Variants in TCF12 observed in about 807,000 individuals in gnomAD.
TCF12 encodes DNA-binding protein HTF4.
Under a neutral mutation model 86.0 loss-of-function variants are expected in TCF12, and 45 were observed. The ratio of observed to expected loss-of-function variants is 0.52; its 90% CI spans 0.41 to 0.67. The LOEUF (loss-of-function observed/expected upper bound fraction) is 0.67. Ranked by LOEUF, TCF12 falls within the 30% of genes least tolerant of loss-of-function variation. TCF12 has a pLI of 0.00. For synonymous variants in TCF12, 330 were observed against 299.6 expected (o/e 1.10, Z -1.05); for missense variants, 881 against 859.9 (o/e 1.02, Z -0.31).
At chr15:57,063,510 G>C (rs1479709742) in intron 3 of TCF12, among the ~76,000 whole-genome samples, 1 of 152,146 alleles carries the variant, frequency 6.6e-6, no homozygotes, top group African/African-American at 2.4e-5. Context: ...AGTCTGCAAA[G>C]AAATATTTTG....
intron 4 of TCF12, among the ~76,000 whole-genome samples, chr15:57,067,607 G>A (rs2069009177): frequency 6.6e-6 from 1 of 151,006 alleles, no homozygotes; most frequent in African/African-American, 2.4e-5. Flanking sequence ...GCATTCTTAG[G>A]CAATGTGGAT....
intron 7 of TCF12, among the ~76,000 whole-genome samples, chr15:57,195,492 A>G (rs1018253562): frequency 5.9e-5 from 9 of 152,190 alleles, no homozygotes; most frequent in Admixed American, 3.3e-4. Flanking sequence ...AGTTGTGAGT[A>G]GTTGGGGTTT....
intron 12 of TCF12, among the ~76,000 whole-genome samples, chr15:57,243,215 TAA>T (rs1379773057): frequency 3.3e-5 from 5 of 152,226 alleles, no homozygotes; most frequent in Non-Finnish European, 7.3e-5. Context: ...ACAGAAACTT[TAA>T]GTTATTTTCA....
intron 3 of TCF12, among the ~76,000 whole-genome samples, chr15:57,014,662 T>G (rs1267578728): frequency 3.3e-5 from 5 of 152,160 alleles, no homozygotes; most frequent in Admixed American, 6.5e-5. Context: ...AGGTACACCC[T>G]CCAGGTGGCA....
At chr15:56,949,581 C>T (rs1229790275) in intron 3 of TCF12, among the ~76,000 whole-genome samples, 6 of 152,110 alleles carry the variant, frequency 3.9e-5, no homozygotes, top group African/African-American at 1.2e-4. Context: ...GTAAGAAGAC[C>T]GGCTTTTGAA....
At chr15:57,126,413 C>G (rs1440855404) in intron 5 of TCF12, among the ~76,000 whole-genome samples, 2 of 152,100 alleles carry the variant, frequency 1.3e-5, no homozygotes, top group African/African-American at 4.8e-5. Flanking sequence ...AAAAAGGTAA[C>G]TGAATTTTTC....
chr15:57,005,706 T>C (rs1298976465), intron 3 of TCF12, among the ~76,000 whole-genome samples: 11 of 152,082 alleles, frequency 7.2e-5, no homozygotes, highest in African/African-American at 2.7e-4. Context: ...GTAGCTAGGA[T>C]TACAGGTGCA....
intron 4 of TCF12, among the ~76,000 whole-genome samples, chr15:57,070,152 T>G (rs1183374490): frequency 6.6e-6 from 1 of 152,194 alleles, no homozygotes; most frequent in East Asian, 1.9e-4. Context: ...ATACTTGATT[T>G]AGCTGCTGTA....
intron 18 of TCF12, among the ~76,000 whole-genome samples, chr15:57,264,491 G>A (rs148205332): frequency 0.049 from 7,376 of 151,162 alleles, 493 homozygotes; most frequent in African/African-American, 0.15. Context: ...ATGAGCCACC[G>A]CACCCGGCCT....
At chr15:57,054,686 G>A (rs1292689829) in intron 3 of TCF12, among the ~76,000 whole-genome samples, 8 of 145,272 alleles carry the variant, frequency 5.5e-5, no homozygotes, top group Admixed American at 3.4e-4. Flanking sequence ...TATTCCAACA[G>A]TATTTTGTTT....
At chr15:57,100,168 A>T (rs1596524375) in intron 5 of TCF12, among the ~76,000 whole-genome samples, 1 of 152,118 alleles carries the variant, frequency 6.6e-6, no homozygotes, top group Non-Finnish European at 1.5e-5. Context: ...TGAACTCCTA[A>T]CCAGAGATGT....
chr15:57,017,795 A>G (rs1475698978), intron 3 of TCF12, among the ~76,000 whole-genome samples: 4 of 149,398 alleles, frequency 2.7e-5, no homozygotes, highest in Non-Finnish European at 5.9e-5. Flanking sequence ...CCTTGCAATG[A>G]ATTCCTGGTG....
chr15:57,066,423 TAAAC>T (rs1468722373), intron 4 of TCF12, among the ~76,000 whole-genome samples: 17 of 152,080 alleles, frequency 1.1e-4, no homozygotes, highest in African/African-American at 3.4e-4. Flanking sequence ...TTTGTCAACT[TAAAC>T]AATGTAGTTG....
intron 5 of TCF12, among the ~76,000 whole-genome samples, chr15:57,108,670 G>A (rs2050291228): frequency 6.6e-6 from 1 of 151,630 alleles, no homozygotes; most frequent in South Asian, 2.1e-4. Flanking sequence ...TGGGGGTGAG[G>A]GACATTGTTG....
chr15:57,099,180 G>A (rs1234736592), intron 5 of TCF12, among the ~76,000 whole-genome samples: 4 of 152,250 alleles, frequency 2.6e-5, no homozygotes, highest in South Asian at 2.1e-4. Flanking sequence ...CTAAAAAGCA[G>A]TTCTCTTTCT....
At chr15:56,997,688 A>G (rs1362762198) in intron 3 of TCF12, among the ~76,000 whole-genome samples, 1 of 152,240 alleles carries the variant, frequency 6.6e-6, no homozygotes, top group Non-Finnish European at 1.5e-5. Flanking sequence ...TAATGAGAAA[A>G]CAAATAATAA....
At chr15:57,096,763 A>T (rs1848616130) in intron 5 of TCF12, among the ~76,000 whole-genome samples, 1 of 152,190 alleles carries the variant, frequency 6.6e-6, no homozygotes, top group South Asian at 2.1e-4. Flanking sequence ...GATTTCACAG[A>T]TGTGGAACCC....
chr15:57,245,905 T>C (rs572755203), intron 13 of TCF12, among the ~76,000 whole-genome samples: 17 of 151,958 alleles, frequency 1.1e-4, no homozygotes, highest in Admixed American at 3.3e-4. Context: ...CTCTCCTGGC[T>C]CCTGTGTCTT....
chr15:56,946,798 CTTTTTTTTTTT>C (rs71113039), intron 3 of TCF12, among the ~76,000 whole-genome samples: 1 of 113,544 alleles, frequency 8.8e-6, no homozygotes, highest in African/African-American at 3.1e-5. Flanking sequence ...TCTAAAGTAC[CTTTTTTTTTTT>C]TTTTTTTTTG....
Sources: allele counts gnomAD v4.1 joint callset (sites outside exome capture counted in the v4.1 genomes callset), GRCh38; gene constraint gnomAD v4.1.1; transcripts MANE v1.5; gene names NCBI Gene and HGNC (gene_info 2026-07-23, HGNC 2026-07-21).